CYP2C19: variants seen among roughly 807,000 people sequenced by gnomAD.
CYP2C19 encodes cytochrome P450 family 2 subfamily C member 19, also known as cytochrome P450 2C19.
Under a neutral mutation model 40.9 loss-of-function variants are expected in CYP2C19, and 59 were observed. The ratio of observed to expected loss-of-function variants is 1.44; its 90% CI spans 1.17 to 1.79. The LOEUF (loss-of-function observed/expected upper bound fraction) is 1.79. Ranked by LOEUF, CYP2C19 falls within the 40% of genes most tolerant of loss-of-function variation. The probability of loss-of-function intolerance (pLI) is 0.00; values close to 1 mark genes in which losing one functional copy is unlikely to be tolerated. For synonymous variants in CYP2C19, 253 were observed against 208.7 expected, an observed-to-expected ratio of 1.21 and a Z score of -1.83; for missense variants, 754 against 596.9, an observed-to-expected ratio of 1.26 and a Z score of -2.74.
chr10:94,803,236 C>T (rs1394310689), intron 5 of CYP2C19, among the ~76,000 whole-genome samples: 2 of 152,242 alleles, frequency 1.3e-5, no homozygotes, highest in Admixed American at 6.5e-5. Flanking sequence ...TGTTTTCTCT[C>T]CCTATTTTTT....
intron 6 of CYP2C19, among the ~76,000 whole-genome samples, chr10:94,824,630 T>G (rs979841012): frequency 1.3e-5 from 2 of 152,136 alleles, no homozygotes; most frequent in African/African-American, 4.8e-5. Flanking sequence ...ATGACTAAAT[T>G]TATGCTTACT....
intron 5 of CYP2C19, among the ~76,000 whole-genome samples, chr10:94,808,845 A>G (rs549665892): frequency 3.9e-4 from 59 of 152,268 alleles, no homozygotes; most frequent in African/African-American, 1.4e-3. Context: ...ATTGATGAAC[A>G]CTTAGGTTGC....
At chr10:94,780,419 C>T in intron 3 of CYP2C19, 80 bp from the exon 4 acceptor site, 1 of 1,538,202 alleles carries the variant, frequency 6.5e-7, no homozygotes, top group South Asian at 1.2e-5. Context: ...AATTTCTAAA[C>T]TATTATTATC....
At chr10:94,794,074 C>G (rs907358234) in intron 5 of CYP2C19, among the ~76,000 whole-genome samples, 1 of 152,164 alleles carries the variant, frequency 6.6e-6, no homozygotes, top group African/African-American at 2.4e-5. Context: ...CGCCCATCCC[C>G]CAGCCTTGCT....
intron 6 of CYP2C19, among the ~76,000 whole-genome samples, chr10:94,825,427 A>G (rs1009709505): frequency 2.0e-5 from 3 of 150,480 alleles, no homozygotes; most frequent in Admixed American, 6.6e-5. Context: ...GCATTTTTTC[A>G]TGTGTTTTTT....
chr10:94,850,914 C>A (rs1235084646), intron 8 of CYP2C19, among the ~76,000 whole-genome samples: 2 of 152,182 alleles, frequency 1.3e-5, no homozygotes, highest in African/African-American at 4.8e-5. Flanking sequence ...TTGATCTCCA[C>A]ACGTGAAATG....
intron 6 of CYP2C19, among the ~76,000 whole-genome samples, chr10:94,822,869 T>C (rs1271715500): frequency 6.6e-6 from 1 of 152,152 alleles, no homozygotes; most frequent in Non-Finnish European, 1.5e-5. Flanking sequence ...TGGCTGCTTG[T>C]ATGTCATCTT....
At position 94,780,639 on chromosome 10, in the gene CYP2C19, G is replaced by A; in HGVS notation, c.622G>A (p.Val208Ile). ...MEKLNENIRI[V>I]STPWIQICNN... ...AAAATTGAATGAAAACATCAGGATT[G>A]TAAGCACCCCCTGGATCCAGGTAAG... The change falls in exon 4 of 9, where the codon GTA (valine) becomes ATA (isoleucine). Residue 208 changes from valine (V) to isoleucine (I), a missense_variant. Transcript: ENST00000371321. The A allele has an allele frequency of 3.7e-6, 6 of 1,613,732 alleles. No individual in the cohort carries two copies. The highest frequency in any genetic ancestry group is 5.1e-6 in the Non-Finnish European group (6 of 1,179,842).
chr10:94,829,728 G>A (rs372116953), intron 6 of CYP2C19, among the ~76,000 whole-genome samples: 6,418 of 150,558 alleles, frequency 0.043, 187 homozygotes, highest in South Asian at 0.097. Context: ...GAGGAGAGGC[G>A]CTCTGCTTTT....
chr10:94,771,706 G>T (rs991610358), intron 1 of CYP2C19, among the ~76,000 whole-genome samples: 6 of 152,046 alleles, frequency 3.9e-5, no homozygotes, highest in African/African-American at 1.4e-4. Context: ...GTTTCTACCT[G>T]CCCAGGAACC....
intron 5 of CYP2C19, among the ~76,000 whole-genome samples, chr10:94,813,218 G>A (rs1385252138): frequency 3.3e-5 from 5 of 152,118 alleles, no homozygotes; most frequent in Non-Finnish European, 1.5e-5. Context: ...AGCAAAGATT[G>A]CTGTGTGTTT....
rs528437476 is a variant in CYP2C19 at position 94,854,138 on chromosome 10, C to T, written c.*1224C>T. ...GATTCAAGTGGTTCTCCTGCCTCAG[C>T]CCCCCAAGTAGCTGGGATTACAGGT... On this transcript the variant is annotated 3_prime_UTR_variant, in exon 9 of 9. Coordinates refer to ENST00000371321, the MANE Select transcript of CYP2C19 (RefSeq NM_000769.4). 6.6e-6 allele frequency among the ~76,000 whole-genome samples: 1 copy of T among 151,932 alleles called. No homozygotes were observed. The highest frequency in any genetic ancestry group is 1.5e-5 in the Non-Finnish European group (1 of 67,986).
intron 5 of CYP2C19, among the ~76,000 whole-genome samples, chr10:94,809,211 C>T (rs765431485): frequency 2.0e-5 from 3 of 152,126 alleles, no homozygotes; most frequent in Non-Finnish European, 4.4e-5. Context: ...TTTCATATGT[C>T]TGTTTTCCAT....
intron 5 of CYP2C19, among the ~76,000 whole-genome samples, chr10:94,793,033 C>A (rs1417994967): frequency 1.3e-5 from 2 of 152,144 alleles, no homozygotes; most frequent in African/African-American, 2.4e-5. Flanking sequence ...TCAAATATTT[C>A]TTAGAGGCTT....
intron 3 of CYP2C19, among the ~76,000 whole-genome samples, chr10:94,780,249 A>T (rs1180774205): frequency 2.0e-5 from 3 of 152,176 alleles, no homozygotes. Context: ...AGTAAAAGAC[A>T]AATAGGCCGG....
At chr10:94,772,882 T>C (rs188907790) in intron 1 of CYP2C19, among the ~76,000 whole-genome samples, 11,633 of 151,904 alleles carry the variant, frequency 0.077, 527 homozygotes, top group South Asian at 0.12. Context: ...CCTGGGTTCA[T>C]GCCATTCTCC....
At chr10:94,807,738 GT>G (rs1232361070) in intron 5 of CYP2C19, among the ~76,000 whole-genome samples, 2 of 151,866 alleles carry the variant, frequency 1.3e-5, no homozygotes, top group African/African-American at 4.8e-5. Context: ...TGTAGTATTT[GT>G]TTTTTTGTTT....
At chr10:94,842,295 T>C (rs1849506605) in intron 6 of CYP2C19, among the ~76,000 whole-genome samples, 1 of 152,142 alleles carries the variant, frequency 6.6e-6, no homozygotes, top group African/African-American at 2.4e-5. Context: ...TTGTCTGCTT[T>C]AAATATAATA....
intron 5 of CYP2C19, among the ~76,000 whole-genome samples, chr10:94,811,876 T>C (rs1199311838): frequency 6.6e-6 from 1 of 152,138 alleles, no homozygotes; most frequent in Non-Finnish European, 1.5e-5. Flanking sequence ...CCTGTTTACA[T>C]TTAAGGTTAA....
Sources: allele counts gnomAD v4.1 joint callset (sites outside exome capture counted in the v4.1 genomes callset), GRCh38; gene constraint gnomAD v4.1.1; transcripts MANE v1.5; gene names NCBI Gene and HGNC (gene_info 2026-07-23, HGNC 2026-07-21).